PDS5B: variants seen among roughly 807,000 people sequenced by gnomAD.
PDS5B encodes the protein sister chromatid cohesion protein PDS5 homolog B.
PDS5B carries 51 observed loss-of-function variants against 184.1 expected under a neutral mutation model. The observed-to-expected ratio is 0.28, with a 90% confidence interval of 0.22 to 0.35. PDS5B has a LOEUF of 0.35. Among genes scored for constraint, PDS5B ranks in the 10% least tolerant of loss-of-function variants. The probability of loss-of-function intolerance (pLI) is 1.00; values close to 1 mark genes in which losing one functional copy is unlikely to be tolerated. For synonymous variants in PDS5B, 566 were observed against 569.2 expected (o/e 0.99, Z 0.08); for missense variants, 1,180 against 1,723.3 (o/e 0.68, Z 5.58).
At chr13:32,672,719 CT>C (rs1299334925) in intron 7 of PDS5B, among the ~76,000 whole-genome samples, 2 of 152,160 alleles carry the variant, frequency 1.3e-5, no homozygotes, top group Non-Finnish European at 2.9e-5. Context: ...ATTCACTTTC[CT>C]TTGCCTTTTT....
intron 1 of PDS5B, among the ~76,000 whole-genome samples, chr13:32,607,848 G>T (rs1157963716): frequency 6.6e-6 from 1 of 152,220 alleles, no homozygotes; most frequent in Non-Finnish European, 1.5e-5. Context: ...GTGGGTGTGG[G>T]ACCCGCTGAG....
chr13:32,745,889 G>A (rs1953725994), intron 23 of PDS5B, 88 bp from the exon 24 acceptor site: 2 of 1,108,028 alleles, frequency 1.8e-6, no homozygotes, highest in Admixed American at 2.3e-5. Flanking sequence ...ACTTTTTTGT[G>A]CCAGAATTTT....
rs948895276 is a variant in PDS5B at position 32,746,201 on chromosome 13, GGTTT to G, written c.2736+110_2736+113del. On this transcript the variant is annotated intron_variant, in intron 24 of 34. Transcript: ENST00000315596. ...ATAGATTAAAATCTTGAATGTGTAT[GGTTT>G]GTTTGTTTCTGAAAAATTTATGCAT... The G allele has an allele frequency of 1.2e-4, 122 of 1,020,766 alleles. 1 individual carries two copies. The highest frequency in any genetic ancestry group is 1.8e-4 in the African/African-American group (11 of 62,456). 63.2% of individuals were successfully genotyped at this position (1,020,766 alleles called of 1,614,324 possible).
At chr13:32,748,910 T>C (rs1202315357) in intron 24 of PDS5B, among the ~76,000 whole-genome samples, 2 of 152,196 alleles carry the variant, frequency 1.3e-5, no homozygotes, top group South Asian at 2.1e-4. Flanking sequence ...ATTTTTATTC[T>C]TACTTTCTTG....
chr13:32,765,948 G>A (rs80106642), intron 31 of PDS5B, among the ~76,000 whole-genome samples: 1 of 152,182 alleles, frequency 6.6e-6, no homozygotes, highest in Non-Finnish European at 1.5e-5. Flanking sequence ...TATGTATACT[G>A]TAAGTTACGA....
chr13:32,634,183 A>G lies in PDS5B; in HGVS notation c.-19-14571A>G, dbSNP rs146000526. On this transcript the variant is annotated intron_variant, in intron 1 of 34. Transcript: ENST00000315596. The stretch of plus-strand genomic sequence containing the variant: ...TCTTTGGAAATTCTCTAAAATACAA[A>G]TCTCATTTCTCTTTAAATTTCTTAG... 6.3e-3 allele frequency among the ~76,000 whole-genome samples: 960 copies of G among 152,260 alleles called. 7 individuals are homozygous for G. The highest frequency in any genetic ancestry group is 0.022 in the African/African-American group (917 of 41,534).
chr13:32,749,348 G>A (rs7318563), intron 24 of PDS5B, among the ~76,000 whole-genome samples: 58,903 of 151,930 alleles, frequency 0.39, 11,928 homozygotes, highest in Non-Finnish European at 0.45. Context: ...CCTCTGATAC[G>A]TACAGGACTA....
At chr13:32,655,646 C>T (rs1408449135) in intron 3 of PDS5B, among the ~76,000 whole-genome samples, 2 of 151,824 alleles carry the variant, frequency 1.3e-5, no homozygotes, top group Admixed American at 6.6e-5. Flanking sequence ...ACTGGGATTA[C>T]AGGCATGAGC....
intron 1 of PDS5B, among the ~76,000 whole-genome samples, chr13:32,647,144 C>A (rs1039315485): frequency 1.3e-5 from 2 of 152,166 alleles, no homozygotes; most frequent in African/African-American, 4.8e-5. Flanking sequence ...CTGGTACTCT[C>A]ATGAATCCCA....
chr13:32,630,126 A>G (rs1336540497), intron 1 of PDS5B, among the ~76,000 whole-genome samples: 1 of 152,156 alleles, frequency 6.6e-6, no homozygotes, highest in East Asian at 1.9e-4. Context: ...TTTTTTGACG[A>G]TAGATGTTAG....
rs376533104 is a variant in PDS5B, at chr13:32,755,867, G to A, written c.2967G>A (p.Glu989=). The change falls in exon 26 of 35, where the codon GAG becomes GAA. Residue 989 remains glutamate, a synonymous_variant. Transcript: ENST00000315596. ...AAAAATTATTGTCTCTTCTACCAGA[G>A]TATGTTGTTCCATATACAATTCACC... The part of the protein sequence containing the change: ...VSEKLLSLLP[E]YVVPYTIHLL... 2.8e-4 allele frequency: 422 copies of A among 1,484,260 alleles called. No individual in the cohort carries two copies. The highest frequency in any genetic ancestry group is 3.3e-4 in the Non-Finnish European group (358 of 1,084,844). 91.9% of individuals were successfully genotyped at this position (1,484,260 alleles called of 1,614,324 possible).
At chr13:32,712,424 G>GT (rs2140898755) in intron 19 of PDS5B, among the ~76,000 whole-genome samples, 1 of 152,326 alleles carries the variant, frequency 6.6e-6, no homozygotes, top group Non-Finnish European at 1.5e-5. Context: ...GATAAACTAT[G>GT]TATGTAGATT....
At chr13:32,633,752 G>A (rs904477329) in intron 1 of PDS5B, among the ~76,000 whole-genome samples, 5 of 151,970 alleles carry the variant, frequency 3.3e-5, no homozygotes, top group Non-Finnish European at 7.4e-5. Context: ...TATTTACAAG[G>A]TACATAACTT....
intron 1 of PDS5B, among the ~76,000 whole-genome samples, chr13:32,595,896 A>AC (rs2057857956): frequency 1.3e-5 from 2 of 152,168 alleles, no homozygotes; most frequent in Non-Finnish European, 2.9e-5. Context: ...GAGGCCATGG[A>AC]CTTGCAGTTA....
chr13:32,703,491 C>T (rs1951921052), intron 17 of PDS5B, among the ~76,000 whole-genome samples: 1 of 152,120 alleles, frequency 6.6e-6, no homozygotes, highest in African/African-American at 2.4e-5. Context: ...TGGTGTTACT[C>T]TAAGAATTTA....
intron 1 of PDS5B, among the ~76,000 whole-genome samples, chr13:32,630,641 A>C (rs1435052978): frequency 2.0e-5 from 3 of 152,196 alleles, no homozygotes; most frequent in African/African-American, 7.2e-5. Flanking sequence ...GTGCAAGGTT[A>C]AAATCTCTGA....
chr13:32,616,643 G>A (rs377759569), intron 1 of PDS5B, among the ~76,000 whole-genome samples: 1 of 152,172 alleles, frequency 6.6e-6, no homozygotes, highest in African/African-American at 2.4e-5. Context: ...ACAGAAATTG[G>A]GCCAAGAACA....
At chr13:32,665,802 G>T (rs1467071613) in intron 6 of PDS5B, among the ~76,000 whole-genome samples, 1 of 151,978 alleles carries the variant, frequency 6.6e-6, no homozygotes, top group East Asian at 1.9e-4. Flanking sequence ...TGTGGTATAT[G>T]TATACAATGG....
intron 1 of PDS5B, among the ~76,000 whole-genome samples, chr13:32,647,638 A>G (rs1435595664): frequency 6.6e-6 from 1 of 152,054 alleles, no homozygotes; most frequent in African/African-American, 2.4e-5. Context: ...AATTTCAGTA[A>G]TTGTATTTTT....
Sources: allele counts gnomAD v4.1 joint callset (sites outside exome capture counted in the v4.1 genomes callset), GRCh38; gene constraint gnomAD v4.1.1; transcripts MANE v1.5; gene names NCBI Gene and HGNC (gene_info 2026-07-23, HGNC 2026-07-21).